Variants in ADAM22 observed in about 807,000 individuals in gnomAD.
ADAM22 encodes disintegrin and metalloproteinase domain-containing protein 22.
In ADAM22, 65 loss-of-function variants were observed where a neutral mutation model predicts 144.6. The observed-to-expected ratio is 0.45, with a 90% CI of 0.37 to 0.55. ADAM22 has a LOEUF of 0.55. Among genes scored for constraint, ADAM22 ranks in the 20% least tolerant of loss-of-function variants. The pLI, the probability that ADAM22 is intolerant of heterozygous loss-of-function variation, is 0.00. For synonymous variants in ADAM22, 391 were observed against 412.6 expected, an observed-to-expected ratio of 0.95 and a Z score of 0.63; for missense variants, 974 against 1,184.9, an observed-to-expected ratio of 0.82 and a Z score of 2.61.
At chr7:88,014,269 CAG>C (rs1197306515) in intron 3 of ADAM22, among the ~76,000 whole-genome samples, 5 of 152,160 alleles carry the variant, frequency 3.3e-5, no homozygotes, top group Non-Finnish European at 1.5e-5. Context: ...TAGGGCAGGA[CAG>C]AGTCTTTCTG....
rs35787636 is a variant in ADAM22, at chr7:87,967,807, C to CAAAAAAA, written c.247-10512_247-10506dup. On this transcript the variant is annotated intron_variant, in intron 2 of 31. Transcript: ENST00000413139. The stretch of plus-strand genomic sequence containing the variant: ...TGAGCGACAGAGTGAGACTCTGTCT[C>CAAAAAAA]AAAAAAAAAAAAAAAAAAAAAAAGT... 4.4e-3 allele frequency among the ~76,000 whole-genome samples: 270 copies of CAAAAAAA among 60,938 alleles called. 29 individuals are homozygous for CAAAAAAA. Among genetic ancestry groups the CAAAAAAA allele is most frequent in the African/African-American group, 0.019 (255 of 13,712 alleles). The allele number at this position is 60,938 out of a possible 152,430, so 40.0% of individuals were successfully genotyped here. A position where few individuals can be genotyped will look rare whatever the true frequency, so the allele number is the denominator to read the frequency against.
intron 4 of ADAM22, among the ~76,000 whole-genome samples, chr7:88,098,702 GTCTT>G (rs1356511474): frequency 7.9e-5 from 12 of 151,610 alleles, no homozygotes; most frequent in African/African-American, 2.9e-4. Flanking sequence ...GTTTTCTACT[GTCTT>G]TCTTTTCCTT....
Position 88,181,196 on chromosome 7 carries a change from A to C in ADAM22, c.2496-309A>C, listed in dbSNP as rs567584374. Among the ~76,000 whole-genome samples, 3 of 152,236 alleles carry C rather than the reference A, an allele frequency of 2.0e-5. No individual in the cohort carries two copies. In the East Asian group the frequency reaches 5.8e-4, roughly 29 times the overall value. ...TGCTGCTGGGGTGATGCTGAAATAC[A>C]TAGTGAATTTGCTCTGTGGTTGCTG... On this transcript the variant is annotated intron_variant, in intron 27 of 31. Transcript: ENST00000413139.
At chr7:87,991,452 T>C (rs1045875385) in intron 3 of ADAM22, among the ~76,000 whole-genome samples, 2 of 150,496 alleles carry the variant, frequency 1.3e-5, no homozygotes, top group Non-Finnish European at 3.0e-5. Context: ...CTGCAAGCTC[T>C]GCTTCCCGGG....
rs1851001759 is a variant in ADAM22, at chr7:88,199,528, G to A, written c.*3037G>A. 6.6e-6 allele frequency: 1 copy of A among 152,248 alleles called. No homozygotes were observed. The highest frequency in any genetic ancestry group is 2.4e-5 in the African/African-American group (1 of 41,440). 9.4% of individuals were successfully genotyped at this position (152,248 alleles called of 1,614,324 possible). A position where few individuals can be genotyped will look rare whatever the true frequency, so the allele number is the denominator to read the frequency against. The stretch of plus-strand genomic sequence containing the variant: ...CTGTCCTCCAGCCACTCTTTATTTA[G>A]ATGGGAAGTGGCATGGTCCTCTGAA... On this transcript the variant is annotated 3_prime_UTR_variant, in exon 32 of 32. Coordinates refer to ENST00000413139, the MANE Select transcript of ADAM22 (RefSeq NM_001324418.2).
At chr7:88,030,626 T>C (rs902571466) in intron 3 of ADAM22, among the ~76,000 whole-genome samples, 5 of 152,090 alleles carry the variant, frequency 3.3e-5, no homozygotes, top group African/African-American at 1.2e-4. Flanking sequence ...ATCCACCTAG[T>C]GCTGTCTTGT....
At chr7:87,987,324 G>C (rs1418043223) in intron 3 of ADAM22, among the ~76,000 whole-genome samples, 1 of 152,106 alleles carries the variant, frequency 6.6e-6, no homozygotes, top group African/African-American at 2.4e-5. Flanking sequence ...GATTACAGGT[G>C]TGTGCCACCA....
At chr7:88,078,802 G>C (rs1815522238) in intron 4 of ADAM22, among the ~76,000 whole-genome samples, 1 of 152,130 alleles carries the variant, frequency 6.6e-6, no homozygotes, top group African/African-American at 2.4e-5. Context: ...AGAGAAAAAA[G>C]AATAAAAAGA....
intron 14 of ADAM22, among the ~76,000 whole-genome samples, chr7:88,137,807 G>A (rs765259724): frequency 1.3e-5 from 2 of 152,116 alleles, no homozygotes; most frequent in Non-Finnish European, 2.9e-5. Context: ...CGCAGGATAT[G>A]TATAACGAGG....
chr7:87,959,118 A>G (rs774779871), intron 2 of ADAM22, among the ~76,000 whole-genome samples: 46 of 152,060 alleles, frequency 3.0e-4, no homozygotes, highest in Non-Finnish European at 5.7e-4. Flanking sequence ...TTTTTTTAAA[A>G]AAAGCATTAT....
chr7:88,073,025 A>C (rs1331665958), intron 3 of ADAM22, among the ~76,000 whole-genome samples: 1 of 152,208 alleles, frequency 6.6e-6, no homozygotes, highest in Non-Finnish European at 1.5e-5. Context: ...ACAATTTTCA[A>C]TTGGATGTAC....
intron 5 of ADAM22, among the ~76,000 whole-genome samples, chr7:88,113,707 T>A (rs13234018): frequency 0.21 from 9,915 of 46,430 alleles, 733 homozygotes; most frequent in Non-Finnish European, 0.27. Flanking sequence ...TAAATAAATA[T>A]ATATATATAT....
chr7:88,132,766 A>G (rs894320539), intron 11 of ADAM22, 101 bp from the exon 12 acceptor site: 54 of 896,390 alleles, frequency 6.0e-5, no homozygotes, highest in Non-Finnish European at 8.2e-5. Flanking sequence ...TTGTATAGAA[A>G]TCTTATGTAT....
intron 2 of ADAM22, among the ~76,000 whole-genome samples, chr7:87,964,967 A>G (rs772633874): frequency 2.0e-5 from 3 of 152,150 alleles, no homozygotes; most frequent in Non-Finnish European, 4.4e-5. Context: ...TTTCTCAGAG[A>G]GGGCTGGTAG....
chr7:88,171,552 G>C lies in ADAM22; in HGVS notation c.2291G>C (p.Arg764Pro). Residue 764 changes from arginine to proline, a missense_variant, in exon 26 of 32, where the codon CGA (arginine) becomes CCA (proline). By Grantham distance (103) the Arg-to-Pro change is moderately radical (BLOSUM62 -2). This residue lies in a region of ADAM22 where 734 missense variants were observed against 950.6 expected (regional missense o/e 0.77). Coordinates refer to ENST00000413139, the MANE Select transcript of ADAM22 (RefSeq NM_001324418.2). The stretch of plus-strand genomic sequence containing the variant: ...TTCTTGTCCATGAAAAGAAACTATC[G>C]AGAACAGAGGTATGTAATACAAATA... ...GITAWGYKNYREQRQLPQGDY... is the reference protein window; with the variant it reads ...GITAWGYKNYPEQRQLPQGDY... The C allele has an allele frequency of 1.3e-6, 2 of 1,589,348 alleles. No individual in the cohort carries two copies. The highest frequency in any genetic ancestry group is 1.7e-6 in the Non-Finnish European group (2 of 1,170,924).
intron 3 of ADAM22, among the ~76,000 whole-genome samples, chr7:88,050,405 CA>C (rs1015229645): frequency 2.0e-5 from 2 of 98,876 alleles, no homozygotes; most frequent in African/African-American, 7.9e-5. Flanking sequence ...CTCAAAAAAA[CA>C]AAAAAAGGAA....
At chr7:88,096,410 G>T (rs912342973) in intron 4 of ADAM22, among the ~76,000 whole-genome samples, 4 of 150,574 alleles carry the variant, frequency 2.7e-5, no homozygotes, top group African/African-American at 9.8e-5. Context: ...TTTTCTATAT[G>T]CATCTAAGAA....
chr7:88,113,693 TAA>T (rs1202059927), intron 5 of ADAM22, among the ~76,000 whole-genome samples: 34 of 59,348 alleles, frequency 5.7e-4, no homozygotes, highest in African/African-American at 2.9e-3. Flanking sequence ...ATATTATAAA[TAA>T]ATAAATAAAT....
intron 2 of ADAM22, among the ~76,000 whole-genome samples, chr7:87,936,950 A>T (rs1275933219): frequency 1.3e-5 from 2 of 151,784 alleles, no homozygotes; most frequent in Non-Finnish European, 2.9e-5. Context: ...TGTAGATTGC[A>T]ATTAGTTTAT....
Sources: gnomAD v4.1 joint callset for allele counts (sites outside exome capture counted in the v4.1 genomes callset) on GRCh38, gnomAD v4.1.1 for gene constraint, gnomAD v4.1.1 regional missense constraint, MANE v1.5 for transcripts, NCBI Gene and HGNC (gene_info 2026-07-23, HGNC 2026-07-21) for gene names.